The following SEMA3C variants were observed in gnomAD, a reference collection of about 807,000 sequenced individuals.
The protein encoded by SEMA3C is semaphorin 3C, also known as semaphorin-3C.
A neutral mutation model predicts 89.4 loss-of-function variants in SEMA3C; 47 were observed. That is an observed-to-expected ratio of 0.53 (90% CI 0.42 to 0.67). The LOEUF is 0.67. Among genes scored for constraint, SEMA3C ranks in the 30% least tolerant of loss-of-function variants. The pLI is 0.00. For synonymous variants in SEMA3C, 310 were observed against 320.2 expected (o/e 0.97, Z 0.34); for missense variants, 839 against 929.1 (o/e 0.90, Z 1.26).
intron 4 of SEMA3C, among the ~76,000 whole-genome samples, chr7:80,820,878 T>C (rs547319677): frequency 4.6e-5 from 7 of 152,280 alleles, no homozygotes; most frequent in African/African-American, 1.7e-4. Flanking sequence ...GTATACAATA[T>C]TTCCCCATAA....
At chr7:80,868,588 T>C (rs1438522422) in intron 2 of SEMA3C, among the ~76,000 whole-genome samples, 1 of 152,130 alleles carries the variant, frequency 6.6e-6, no homozygotes, top group Non-Finnish European at 1.5e-5. Context: ...TATTCCAAAA[T>C]ACAATGCTGA....
intron 13 of SEMA3C, among the ~76,000 whole-genome samples, chr7:80,762,037 C>T (rs542598580): frequency 5.4e-4 from 78 of 143,726 alleles, no homozygotes; most frequent in African/African-American, 2.0e-3. Flanking sequence ...TGTAGTGAGC[C>T]GAGATTGCAC....
rs1355702523 is a variant in SEMA3C, at chr7:80,743,723, T to TA, written c.*1170dup. The TA allele has an allele frequency of 6.6e-5, 10 of 152,088 alleles. No individual in the cohort carries two copies. Among genetic ancestry groups the TA allele is most frequent in the Non-Finnish European group, 1.3e-4 (9 of 67,856 alleles). 9.4% of individuals were successfully genotyped at this position (152,088 alleles called of 1,614,324 possible). On this transcript the variant is annotated 3_prime_UTR_variant, in exon 18 of 18. Coordinates refer to ENST00000265361, the MANE Select transcript of SEMA3C (RefSeq NM_006379.5). ...TCACAAAATTTACTACTTTTACACT[T>TA]AGAGACCAGTGAACGTATGTACCAT... is the stretch of plus-strand genomic sequence containing the variant.
At chr7:80,844,312 TTAA>T (rs1461895777) in intron 2 of SEMA3C, among the ~76,000 whole-genome samples, 3 of 152,220 alleles carry the variant, frequency 2.0e-5, no homozygotes, top group African/African-American at 7.2e-5. Flanking sequence ...AATTGTCATA[TTAA>T]TATTACTAAT....
chr7:80,768,891 CAGA>C (rs1788365756), intron 12 of SEMA3C, among the ~76,000 whole-genome samples: 3 of 152,120 alleles, frequency 2.0e-5, no homozygotes, highest in South Asian at 2.1e-4. Context: ...AGAGAAAACT[CAGA>C]AGAATACAGA....
intron 4 of SEMA3C, among the ~76,000 whole-genome samples, chr7:80,823,371 T>C (rs1303137184): frequency 6.6e-6 from 1 of 152,340 alleles, no homozygotes; most frequent in East Asian, 1.9e-4. Context: ...TAAGAGATGG[T>C]TTATTTTCTG....
chr7:80,803,186 T>C (rs1194066169), intron 8 of SEMA3C, among the ~76,000 whole-genome samples: 2 of 152,206 alleles, frequency 1.3e-5, no homozygotes, highest in Non-Finnish European at 2.9e-5. Flanking sequence ...AGAGTGATTA[T>C]ATCTTTACAC....
intron 2 of SEMA3C, among the ~76,000 whole-genome samples, chr7:80,891,958 A>ATT (rs983248255): frequency 1.1e-4 from 16 of 152,146 alleles, no homozygotes; most frequent in Non-Finnish European, 2.2e-4. Flanking sequence ...TTTCTTTCCC[A>ATT]TTATTTTATA....
chr7:80,829,965 A>G lies in SEMA3C; in HGVS notation c.104-1220T>C, dbSNP rs114977362. ...TTGAATGACAAACACATTTCTAAAA[A>G]TTCTGATAGAGCTGTAGTTTGACTT... On this transcript the variant is annotated intron_variant, in intron 2 of 17. Transcript: ENST00000265361. Among the ~76,000 whole-genome samples, 912 of 152,308 alleles carry G rather than the reference A, an allele frequency of 6.0e-3. 10 individuals are homozygous for G. Among genetic ancestry groups the G allele is most frequent in the African/African-American group, 0.02 (851 of 41,572 alleles).
At chr7:80,902,875 C>T (rs1279832744) in intron 2 of SEMA3C, among the ~76,000 whole-genome samples, 3 of 152,102 alleles carry the variant, frequency 2.0e-5, no homozygotes, top group Non-Finnish European at 4.4e-5. Flanking sequence ...GCTTTTCTGC[C>T]TACGTGAAAA....
chr7:80,864,979 A>C (rs1376444647), intron 2 of SEMA3C, among the ~76,000 whole-genome samples: 1 of 151,916 alleles, frequency 6.6e-6, no homozygotes, highest in African/African-American at 2.4e-5. Flanking sequence ...TTTTTGTTGC[A>C]TTTCTTATTA....
intron 5 of SEMA3C, among the ~76,000 whole-genome samples, chr7:80,811,397 GA>G (rs1293354914): frequency 6.6e-6 from 1 of 152,076 alleles, no homozygotes; most frequent in Non-Finnish European, 1.5e-5. Context: ...TACTGAGAAG[GA>G]AAGTTAAGCA....
intron 12 of SEMA3C, among the ~76,000 whole-genome samples, chr7:80,775,535 C>G (rs1225013102): frequency 6.6e-6 from 1 of 152,098 alleles, no homozygotes; most frequent in East Asian, 1.9e-4. Flanking sequence ...ATTTTTAATG[C>G]AGGCCCATTA....
intron 2 of SEMA3C, among the ~76,000 whole-genome samples, chr7:80,863,914 A>ACATATATAT (rs1214552944): frequency 1.6e-5 from 2 of 122,114 alleles, no homozygotes; most frequent in Admixed American, 7.8e-5. Flanking sequence ...CATATATATC[A>ACATATATAT]CATATATATC....
chr7:80,865,315 C>T (rs1378922691), intron 2 of SEMA3C, among the ~76,000 whole-genome samples: 1 of 152,134 alleles, frequency 6.6e-6, no homozygotes, highest in Non-Finnish European at 1.5e-5. Flanking sequence ...TACAATTAGA[C>T]TTAATAACAC....
At chr7:80,914,407 G>C (rs570709619) in intron 2 of SEMA3C, among the ~76,000 whole-genome samples, 20 of 144,526 alleles carry the variant, frequency 1.4e-4, no homozygotes, top group Middle Eastern at 7.3e-3. Context: ...CAGGTACACT[G>C]TGAAATCTCC....
At chr7:80,754,961 T>TTTTTTTGTTTTTTTTTTTTTTG (rs1170769354) in intron 15 of SEMA3C, among the ~76,000 whole-genome samples, 3 of 127,030 alleles carry the variant, frequency 2.4e-5, no homozygotes, top group East Asian at 3.0e-4. Context: ...TTTTTTGTTT[T>TTTTTTTGTTTTTTTTTTTTTTG]TTTTTTTTTT....
chr7:80,831,879 T>G (rs750723374), intron 2 of SEMA3C, among the ~76,000 whole-genome samples: 2 of 152,196 alleles, frequency 1.3e-5, no homozygotes, highest in Non-Finnish European at 2.9e-5. Context: ...ATGCCCTTAC[T>G]ACTTTTGGGA....
intron 9 of SEMA3C, among the ~76,000 whole-genome samples, chr7:80,801,481 G>C (rs2115665494): frequency 6.6e-6 from 1 of 152,134 alleles, no homozygotes; most frequent in South Asian, 2.1e-4. Context: ...AACAGAATAT[G>C]AAAGTAGATT....
Sources: allele counts gnomAD v4.1 joint callset (sites outside exome capture counted in the v4.1 genomes callset), GRCh38; gene constraint gnomAD v4.1.1; transcripts MANE v1.5; gene names NCBI Gene and HGNC (gene_info 2026-07-23, HGNC 2026-07-21).